Variants in NFATC4 observed in about 807,000 individuals in gnomAD.
NFATC4 encodes nuclear factor of activated T cells 4.
A neutral mutation model predicts 73.4 loss-of-function variants in NFATC4; 25 were observed. The ratio of observed to expected loss-of-function variants is 0.34; its 90% CI spans 0.25 to 0.48. NFATC4 has a LOEUF of 0.48. NFATC4 is among the 20% of genes least tolerant of loss of function. The pLI, the probability that NFATC4 is intolerant of heterozygous loss-of-function variation, is 0.99. For missense variants in NFATC4, 1,130 were observed against 1,203.7 expected (o/e 0.94, Z 0.91); for synonymous variants, 523 against 510.3 (o/e 1.02, Z -0.34).
chr14:24,370,012 C>G lies in NFATC4; in HGVS notation c.614C>G (p.Ala205Gly). ...CDEVESELNE[A>G]ASRFGLGSPL... ...GAGGTGGAGTCTGAGCTAAATGAGGCGGCCTCCCGCTTTGGCCTGGGCTCC... is the reference window on the plus strand; with the variant it reads ...GAGGTGGAGTCTGAGCTAAATGAGGGGGCCTCCCGCTTTGGCCTGGGCTCC... The change falls in exon 2 of 10, where the codon GCG becomes GGG. Residue 205 changes from alanine (A) to glycine (G), a missense_variant. By Grantham distance (60) the Ala-to-Gly change is moderately conservative. Transcript: ENST00000250373. 1 of 1,612,400 alleles carries G rather than the reference C, an allele frequency of 6.2e-7. No homozygotes were observed. The highest frequency in any genetic ancestry group is 8.5e-7 in the Non-Finnish European group (1 of 1,179,966).
Position 24,377,417 on chromosome 14 carries a change from G to C in NFATC4, c.2642-221G>C. ...TAAGCCAGCAGGAAAGGGCTAGGAC[G>C]GGTGCCTGGGAGCCCACATGGAGGG... is the stretch of plus-strand genomic sequence containing the variant. On this transcript the variant is annotated intron_variant, in intron 9 of 9. Transcript: ENST00000250373. This position sits in a 1 kb window ranked among gnomAD's most constrained non-coding sequence, Gnocchi z 4.2. The C allele has an allele frequency of 7.1e-7, 1 of 1,415,576 alleles. No individual in the cohort carries two copies. The highest frequency in any genetic ancestry group is 9.2e-7 in the Non-Finnish European group (1 of 1,088,140). 87.7% of individuals were successfully genotyped at this position (1,415,576 alleles called of 1,614,324 possible).
At chr14:24,371,627 T>G (rs1279951818) in intron 2 of NFATC4, 9 of 152,456 alleles carry the variant, frequency 5.9e-5, no homozygotes, top group African/African-American at 2.2e-4. Context: ...GGGAGCTGGC[T>G]TGAGAGCAGA....
At position 24,376,573 on chromosome 14, in the gene NFATC4, C is replaced by T; in HGVS notation, c.2336C>T (p.Ala779Val). The T allele has an allele frequency of 1.2e-6, 2 of 1,614,028 alleles. No individual in the cohort carries two copies. Among genetic ancestry groups the T allele is most frequent in the African/African-American group, 1.3e-5 (1 of 75,020 alleles). ...RGTTGCAQPP[A>V]VSFLPRPFPS... ...ACCACAGGTTGTGCCCAACCACCTG[C>T]AGTTTCCTTCCTTCCCCGCCCCTTC... Residue 779 changes from alanine (A) to valine (V), a missense_variant, in exon 9 of 10, where the codon GCA becomes GTA. Ala to Val is a moderately conservative substitution (Grantham distance 64). This residue lies in a region of NFATC4 where 390 missense variants were observed against 408.1 expected (regional missense o/e 0.96). Transcript: ENST00000250373. The surrounding 1 kb of genome is among the most constrained non-coding windows in gnomAD (Gnocchi z 5.0).
At chr14:24,374,555 G>T (rs2042562559) in intron 6 of NFATC4, 89 bp downstream of exon 6, 1 of 1,334,206 alleles carries the variant, frequency 7.5e-7, no homozygotes. Context: ...AAACTGGCCA[G>T]TGGAGCCTCA....
intron 2 of NFATC4, among the ~76,000 whole-genome samples, 165 bp downstream of exon 2, chr14:24,370,759 G>GA (rs979863186): frequency 2.6e-5 from 4 of 151,952 alleles, no homozygotes; most frequent in Non-Finnish European, 5.9e-5. Flanking sequence ...AAGAGAACTA[G>GA]AAAAAAAAGT....
At chr14:24,369,403 T>C in intron 1 of NFATC4, 96 bp from the exon 2 acceptor site, 1 of 1,604,674 alleles carries the variant, frequency 6.2e-7, no homozygotes, top group East Asian at 2.2e-5. Flanking sequence ...GCAGGGAGCA[T>C]AGAAGGACTT....
chr14:24,369,778 C>T lies in NFATC4; in HGVS notation c.380C>T (p.Pro127Leu). Residue 127 changes from proline (P) to leucine (L), a missense_variant, in exon 2 of 10, where the codon CCG becomes CTG. Pro to Leu is a moderately conservative substitution (Grantham distance 98). This residue lies in a region of NFATC4 where 585 missense variants were observed against 574.3 expected (regional missense o/e 1.02). Transcript: ENST00000250373. ...ACCTCCATCTCTCCCACGCCGGAGC[C>T]GCCAGCAGCGCTGGAGGACAACCCT... ...RITSISPTPE[P>L]PAALEDNPDA... 1 of 1,595,730 alleles carries T rather than the reference C, an allele frequency of 6.3e-7. No homozygotes were observed. The highest frequency in any genetic ancestry group is 8.5e-7 in the Non-Finnish European group (1 of 1,171,172).
At chr14:24,368,076 A>G (rs1340697592), upstream of NFATC4, 5 of 1,155,372 alleles carry the variant, frequency 4.3e-6, no homozygotes, top group African/African-American at 1.6e-5. Flanking sequence ...TGGTTTTCCC[A>G]TCTCATCCCT....
At position 24,377,781 on chromosome 14, in the gene NFATC4, G is replaced by T; in HGVS notation, c.*76G>T. The T allele has an allele frequency of 6.2e-7, 1 of 1,610,842 alleles. No individual in the cohort carries two copies. ...CCCCCTTTCCCTCCTTCCTGGAGTGGTGGCTACAGAAGCTTGGGGCCAACC... is the reference window on the plus strand; with the variant it reads ...CCCCCTTTCCCTCCTTCCTGGAGTGTTGGCTACAGAAGCTTGGGGCCAACC... On this transcript the variant is annotated 3_prime_UTR_variant, in exon 10 of 10. Coordinates refer to ENST00000250373, the MANE Select transcript of NFATC4 (RefSeq NM_004554.5). The surrounding 1 kb of genome is among the most constrained non-coding windows in gnomAD (Gnocchi z 4.2).
At chr14:24,374,239 G>T in intron 5 of NFATC4, 87 bp from the exon 6 acceptor site, 1 of 1,493,942 alleles carries the variant, frequency 6.7e-7, no homozygotes, top group South Asian at 1.3e-5. Flanking sequence ...AGAGCCCTGT[G>T]GCAGTTTTCC....
rs1218725609 is a variant in NFATC4 at position 24,378,275 on chromosome 14, C to G, written c.*570C>G. 6.3e-6 allele frequency: 1 copy of G among 158,146 alleles called. No individual in the cohort carries two copies. Among genetic ancestry groups the G allele is most frequent in the Non-Finnish European group, 1.4e-5 (1 of 70,830 alleles). The allele number at this position is 158,146 out of a possible 1,614,324, so 9.8% of individuals were successfully genotyped here. A position where few individuals can be genotyped will look rare whatever the true frequency, so the allele number is the denominator to read the frequency against. On this transcript the variant is annotated 3_prime_UTR_variant, in exon 10 of 10. Coordinates refer to ENST00000250373, the MANE Select transcript of NFATC4 (RefSeq NM_004554.5). ...CAGGGCTTGAGTAGGCCTCTCCACTCTCCTCCTTGGGGGTCCAGATTCCTT... is the reference window on the plus strand; with the variant it reads ...CAGGGCTTGAGTAGGCCTCTCCACTGTCCTCCTTGGGGGTCCAGATTCCTT...
Position 24,373,887 on chromosome 14 carries a change from G to A in NFATC4, c.1732+20G>A, listed in dbSNP as rs761254745. On this transcript the variant is annotated intron_variant, in intron 5 of 9. Transcript: ENST00000250373. This position sits in a 1 kb window ranked among gnomAD's most constrained non-coding sequence, Gnocchi z 4.7. ...AGTGCTGTGAGCAAAGAGGCCCTGGGCCATGTCTCTGTCTCTTGCAACTCT... is the reference window on the plus strand; with the variant it reads ...AGTGCTGTGAGCAAAGAGGCCCTGGACCATGTCTCTGTCTCTTGCAACTCT... The A allele has an allele frequency of 5.6e-6, 9 of 1,613,788 alleles. No individual in the cohort carries two copies. Among genetic ancestry groups the A allele is most frequent in the Middle Eastern group, 1.6e-4 (1 of 6,062 alleles).
chr14:24,368,236 C>T lies in NFATC4; in HGVS notation c.-105C>T, dbSNP rs1009592317. The T allele has an allele frequency of 1.6e-4, 211 of 1,320,620 alleles. No homozygotes were observed. Among genetic ancestry groups the T allele is most frequent in the Non-Finnish European group, 1.9e-4 (191 of 1,032,212 alleles). The allele number at this position is 1,320,620 out of a possible 1,614,324, so 81.8% of individuals were successfully genotyped here. On this transcript the variant is annotated 5_prime_UTR_variant, in exon 1 of 10. Coordinates refer to ENST00000250373, the MANE Select transcript of NFATC4 (RefSeq NM_004554.5). ...GAGGCGGCAGCGACGGAGGAGGGGG[C>T]TTCTCAGAGAAAGGGAGGGAGGGAG...
At position 24,375,670 on chromosome 14, in the gene NFATC4, G is replaced by T; in HGVS notation, c.1884G>T (p.Leu628=). ...GTTCCCTCTGGACAGATGGGAAGCTGCAATGGGAGGAGGAGGCCACAGTGA... is the reference window on the plus strand; with the variant it reads ...GTTCCCTCTGGACAGATGGGAAGCTTCAATGGGAGGAGGAGGCCACAGTGA... ...VFIERGPDGK[L]QWEEEATVNR... Residue 628 remains leucine, a synonymous_variant, in exon 7 of 10, where the codon CTG becomes CTT. Coordinates refer to ENST00000250373, the MANE Select transcript of NFATC4 (RefSeq NM_004554.5). 6.4e-7 allele frequency: 1 copy of T among 1,554,920 alleles called. No individual in the cohort carries two copies. The highest frequency in any genetic ancestry group is 8.7e-7 in the Non-Finnish European group (1 of 1,148,138).
upstream of NFATC4, chr14:24,366,980 C>G: frequency 6.3e-7 from 1 of 1,590,416 alleles, no homozygotes; most frequent in African/African-American, 1.3e-5. Context: ...GGGGGTGCGG[C>G]CCTGAACCGG....
Position 24,373,399 on chromosome 14 carries a change from C to G in NFATC4, c.1559+29C>G. ...AGTCCCATGCAACTTCCCCTCAGTC[C>G]GCAGGCTTTGTACTAGCTTTCTCCA... On this transcript the variant is annotated intron_variant, in intron 4 of 9. Transcript: ENST00000250373. The surrounding 1 kb of genome is among the most constrained non-coding windows in gnomAD (Gnocchi z 4.7). 1 of 1,611,162 alleles carries G rather than the reference C, an allele frequency of 6.2e-7. No homozygotes were observed. Among genetic ancestry groups the G allele is most frequent in the Non-Finnish European group, 8.5e-7 (1 of 1,178,630 alleles).
In NFATC4 at chr14:24,373,436, C is replaced by G. The variant is rs2042527257; in HGVS notation, c.1559+66C>G. ...ACTAGCTTTCTCCACTGGGCCTATGCTAGCCCACTTCTTCCTTTTCCCAGA... is the reference window on the plus strand; with the variant it reads ...ACTAGCTTTCTCCACTGGGCCTATGGTAGCCCACTTCTTCCTTTTCCCAGA... On this transcript the variant is annotated intron_variant, in intron 4 of 9. Transcript: ENST00000250373. This position sits in a 1 kb window ranked among gnomAD's most constrained non-coding sequence, Gnocchi z 4.7. 3.9e-6 allele frequency: 6 copies of G among 1,548,752 alleles called. No homozygotes were observed. In the Admixed American group the frequency reaches 1.0e-4, roughly 27 times the overall value.
chr14:24,371,254 G>A (rs145141505), intron 2 of NFATC4, among the ~76,000 whole-genome samples: 94 of 152,306 alleles, frequency 6.2e-4, no homozygotes, highest in African/African-American at 2.0e-3. Context: ...GGAAAGAAAC[G>A]TTAACACTGG....
intron 1 of NFATC4, 104 bp downstream of exon 1, chr14:24,368,544 A>C (rs2139273211): frequency 9.6e-7 from 1 of 1,039,166 alleles, no homozygotes; most frequent in Admixed American, 5.4e-5. Flanking sequence ...GGGGTGAGGG[A>C]GTCAGAGGTC....
Sources: gnomAD v4.1 joint callset for allele counts (sites outside exome capture counted in the v4.1 genomes callset) on GRCh38, gnomAD v4.1.1 for gene constraint, gnomAD v4.1.1 regional missense constraint, Gnocchi (gnomAD v3.1) non-coding constraint, MANE v1.5 for transcripts, NCBI Gene and HGNC (gene_info 2026-07-23, HGNC 2026-07-21) for gene names.